ATP9A: variants seen among roughly 807,000 people sequenced by gnomAD.
The protein encoded by ATP9A is probable phospholipid-transporting ATPase IIA.
A neutral mutation model predicts 144.1 loss-of-function variants in ATP9A; 52 were observed. The ratio of observed to expected loss-of-function variants is 0.36; its 90% CI spans 0.29 to 0.45. The LOEUF (loss-of-function observed/expected upper bound fraction) is 0.45. Among genes scored for constraint, ATP9A ranks in the 20% least tolerant of loss-of-function variants. ATP9A has a pLI of 1.00. For missense variants in ATP9A, 947 were observed against 1,392.7 expected, an observed-to-expected ratio of 0.68 and a Z score of 5.09; for synonymous variants, 582 against 557.4, an observed-to-expected ratio of 1.04 and a Z score of -0.62.
chr20:51,702,095 C>T (rs960130947), intron 4 of ATP9A, among the ~76,000 whole-genome samples: 13 of 151,678 alleles, frequency 8.6e-5, no homozygotes, highest in African/African-American at 1.9e-4. Flanking sequence ...GTCAGGCGTT[C>T]GATACCAGCC....
At chr20:51,671,384 C>G in intron 11 of ATP9A, 127 bp from the exon 12 acceptor site, 1 of 1,126,896 alleles carries the variant, frequency 8.9e-7, no homozygotes, top group Non-Finnish European at 1.3e-6. Context: ...AAGCACACTG[C>G]CAGAGCTGAA....
intron 1 of ATP9A, among the ~76,000 whole-genome samples, chr20:51,739,600 A>C (rs372469532): frequency 1.1e-4 from 16 of 151,280 alleles, no homozygotes; most frequent in African/African-American, 3.9e-4. Flanking sequence ...ACCTACACTC[A>C]CTCTTTAATC....
intron 19 of ATP9A, among the ~76,000 whole-genome samples, chr20:51,619,945 A>G (rs2077219809): frequency 6.6e-6 from 1 of 150,740 alleles, no homozygotes; most frequent in Non-Finnish European, 1.5e-5. Context: ...GATTTTTCTC[A>G]TTTATTTCTC....
intron 25 of ATP9A, among the ~76,000 whole-genome samples, chr20:51,608,125 CAAAT>C (rs767204257): frequency 6.6e-6 from 1 of 150,856 alleles, no homozygotes; most frequent in Non-Finnish European, 1.5e-5. Flanking sequence ...ACCCTGAAGA[CAAAT>C]AAAATTATAC....
At chr20:51,656,642 A>G (rs1334742305) in intron 14 of ATP9A, among the ~76,000 whole-genome samples, 1 of 152,206 alleles carries the variant, frequency 6.6e-6, no homozygotes, top group African/African-American at 2.4e-5. Flanking sequence ...TTAATTATTT[A>G]CATCTTTTTT....
chr20:51,627,704 G>C (rs747683977), intron 16 of ATP9A, 21 bp from the exon 17 acceptor site: 1 of 1,608,674 alleles, frequency 6.2e-7, no homozygotes, highest in Admixed American at 1.7e-5. Flanking sequence ...GACCACGGTC[G>C]AGTGGGAGCG....
At chr20:51,639,319 A>C in intron 15 of ATP9A, 24 bp downstream of exon 15, 4 of 1,602,780 alleles carry the variant, frequency 2.5e-6, no homozygotes, top group Non-Finnish European at 3.4e-6. Flanking sequence ...TAAGCACTTT[A>C]AGCCATGAAT....
Position 51,729,830 on chromosome 20 carries a change from G to A in ATP9A, c.213+4C>T, listed in dbSNP as rs756230888. On this transcript the variant is annotated splice_donor_region_variant and intron_variant, in intron 2 of 27. Transcript: ENST00000338821. ...AAAAGAGCACGGTCCCTGCCTGCAC[G>A]TACCCCAGGAAGAAAGGTGAAGAAA... The A allele has an allele frequency of 1.1e-5, 17 of 1,575,194 alleles. No homozygotes were observed. Among genetic ancestry groups the A allele is most frequent in the Middle Eastern group, 1.7e-4 (1 of 5,856 alleles).
intron 26 of ATP9A, among the ~76,000 whole-genome samples, chr20:51,605,335 G>A (rs111350183): frequency 9.2e-5 from 14 of 152,356 alleles, no homozygotes; most frequent in African/African-American, 3.4e-4. Context: ...TGATGGAGTC[G>A]CGGCCAGGCG....
At chr20:51,605,101 G>T in intron 26 of ATP9A, 81 bp from the exon 27 acceptor site, 5 of 1,282,060 alleles carry the variant, frequency 3.9e-6, no homozygotes, top group Non-Finnish European at 4.1e-6. Context: ...GCTCCTTTCC[G>T]CAGTTTTCAT....
chr20:51,729,537 G>A (rs565838724), intron 2 of ATP9A, among the ~76,000 whole-genome samples: 150 of 152,260 alleles, frequency 9.9e-4, no homozygotes, highest in Non-Finnish European at 1.1e-3. Context: ...CTGATGTCAG[G>A]AGTTCAAGAC....
At chr20:51,629,188 T>C (rs1199082779) in intron 15 of ATP9A, 116 bp from the exon 16 acceptor site, 4 of 714,064 alleles carry the variant, frequency 5.6e-6, no homozygotes, top group Non-Finnish European at 6.8e-6. Context: ...ACCAATGTTT[T>C]TTCAGTTGGC....
At chr20:51,723,926 T>C (rs1436791345) in intron 3 of ATP9A, among the ~76,000 whole-genome samples, 1 of 152,066 alleles carries the variant, frequency 6.6e-6, no homozygotes, top group African/African-American at 2.4e-5. Flanking sequence ...ATCCCAGCAC[T>C]TTCGGAGGCC....
intron 20 of ATP9A, 54 bp from the exon 21 acceptor site, chr20:51,618,860 G>A: frequency 4.4e-6 from 7 of 1,582,236 alleles, no homozygotes; most frequent in Non-Finnish European, 6.0e-6. Flanking sequence ...TGGTGCGTTG[G>A]TGGAGGTCGC....
At chr20:51,602,068 G>A (rs910782009) in intron 27 of ATP9A, among the ~76,000 whole-genome samples, 3 of 152,068 alleles carry the variant, frequency 2.0e-5, no homozygotes, top group Admixed American at 6.6e-5. Flanking sequence ...AGTGATGGTC[G>A]CAGAAAGCCA....
chr20:51,604,735 C>T (rs2077156484), intron 27 of ATP9A, 82 bp downstream of exon 27: 1 of 1,291,992 alleles, frequency 7.7e-7, no homozygotes, highest in South Asian at 1.9e-5. Flanking sequence ...CTGGGAACCC[C>T]CCTTCCTTCA....
At chr20:51,662,286 G>A (rs6067881) in intron 13 of ATP9A, among the ~76,000 whole-genome samples, 74,753 of 152,020 alleles carry the variant, frequency 0.49, 19,090 homozygotes, top group East Asian at 0.8. Flanking sequence ...GGTGGCTCAC[G>A]CCTGTAATCC....
chr20:51,618,763 C>A lies in ATP9A; in HGVS notation c.2249G>T (p.Cys750Phe), dbSNP rs1389205612. The change falls in exon 21 of 28, where the codon TGC becomes TTC. Residue 750 changes from cysteine to phenylalanine, a missense_variant. Cys to Phe is a radical substitution (Grantham distance 205, BLOSUM62 -2). Around this residue, in one of 2 missense-constraint regions of ATP9A, gnomAD observed 770 missense variants for 1,047.9 expected, o/e 0.73. Coordinates refer to ENST00000338821, the MANE Select transcript of ATP9A (RefSeq NM_006045.3). Reference sequence around the variant, plus strand: ...GCAGCAGACTACGGCCGGGCACTGGCAGGCCAGCTCCATGAACTCGTACTC... The same window carrying A: ...GCAGCAGACTACGGCCGGGCACTGGAAGGCCAGCTCCATGAACTCGTACTC... ...YYEYEFMELACQCPAVVCCRC... is the reference protein window; with the variant it reads ...YYEYEFMELAFQCPAVVCCRC... 1 of 1,606,890 alleles carries A rather than the reference C, an allele frequency of 6.2e-7. No homozygotes were observed. Among genetic ancestry groups the A allele is most frequent in the Non-Finnish European group, 8.5e-7 (1 of 1,176,588 alleles).
intron 15 of ATP9A, among the ~76,000 whole-genome samples, chr20:51,631,252 A>C (rs906614024): frequency 1.3e-5 from 2 of 152,232 alleles, no homozygotes; most frequent in Non-Finnish European, 2.9e-5. Context: ...ATGCTGACTC[A>C]TAAGAGCACC....
Sources: allele counts gnomAD v4.1 joint callset (sites outside exome capture counted in the v4.1 genomes callset), GRCh38; gene constraint gnomAD v4.1.1; regional missense constraint gnomAD v4.1.1; transcripts MANE v1.5; gene names NCBI Gene and HGNC (gene_info 2026-07-23, HGNC 2026-07-21).